The following FMN2 variants were observed in gnomAD, a reference collection of about 807,000 sequenced individuals.
FMN2 encodes formin-2.
A neutral mutation model predicts 142.3 loss-of-function variants in FMN2; 51 were observed. The observed-to-expected ratio is 0.36, with a 90% confidence interval of 0.29 to 0.45. The LOEUF is 0.45. FMN2 is among the 20% of genes least tolerant of loss of function. The pLI, the probability that FMN2 is intolerant of heterozygous loss-of-function variation, is 1.00. For missense variants in FMN2, 1,936 were observed against 2,122.8 expected (o/e 0.91, Z 1.73); for synonymous variants, 882 against 869.8 (o/e 1.01, Z -0.25).
In FMN2 at chr1:240,199,666, A is replaced by T. The variant is rs556010651; in HGVS notation, c.1987-7133A>T. ...AGGAATTTTGGCTGACTTACTGTAT[A>T]TAATTATTGAGCCAACGTAGATGGC... On this transcript the variant is annotated intron_variant, in intron 4 of 17. Transcript: ENST00000319653. 2.0e-5 allele frequency among the ~76,000 whole-genome samples: 3 copies of T among 152,352 alleles called. No homozygotes were observed. The East Asian group carries it at 5.8e-4, about 29-fold the overall frequency.
At chr1:240,211,343 A>C (rs1414527209) in intron 6 of FMN2, 108 bp downstream of exon 6, 1 of 1,056,788 alleles carries the variant, frequency 9.5e-7, no homozygotes, top group African/African-American at 1.6e-5. Flanking sequence ...ACCTCCATGG[A>C]TCTTAGGCAG....
chr1:240,275,464 C>T (rs1669171795), intron 7 of FMN2, among the ~76,000 whole-genome samples: 1 of 151,908 alleles, frequency 6.6e-6, no homozygotes, highest in African/African-American at 2.4e-5. Flanking sequence ...GTATATGTGC[C>T]ACATTTTTTT....
chr1:240,097,914 A>G (rs1302762442), intron 1 of FMN2, among the ~76,000 whole-genome samples: 2 of 152,142 alleles, frequency 1.3e-5, no homozygotes, highest in Non-Finnish European at 2.9e-5. Context: ...GTCTAAGGGC[A>G]TTAAGCTAGT....
At chr1:240,106,691 T>C (rs553032614) in intron 1 of FMN2, among the ~76,000 whole-genome samples, 1 of 151,932 alleles carries the variant, frequency 6.6e-6, no homozygotes, top group Admixed American at 6.6e-5. Flanking sequence ...GATTTTTTTT[T>C]CTTTTTTTTT....
intron 7 of FMN2, among the ~76,000 whole-genome samples, chr1:240,269,032 GT>G (rs949722457): frequency 6.6e-6 from 1 of 151,856 alleles, no homozygotes; most frequent in Non-Finnish European, 1.5e-5. Context: ...TTTTGTTTGT[GT>G]GCAGAAGCAT....
At chr1:240,357,915 C>A (rs1487419265) in intron 14 of FMN2, among the ~76,000 whole-genome samples, 1 of 151,296 alleles carries the variant, frequency 6.6e-6, no homozygotes, top group African/African-American at 2.4e-5. Flanking sequence ...CCAGGAAGAT[C>A]TTTTAACCTC....
At chr1:240,216,233 C>T (rs1436644941) in intron 6 of FMN2, among the ~76,000 whole-genome samples, 1 of 151,998 alleles carries the variant, frequency 6.6e-6, no homozygotes, top group East Asian at 1.9e-4. Flanking sequence ...TTTCATTTAT[C>T]CCATGGTAAA....
intron 8 of FMN2, 73 bp from the exon 9 acceptor site, chr1:240,329,003 A>G: frequency 7.6e-7 from 1 of 1,315,720 alleles, no homozygotes; most frequent in Non-Finnish European, 1.1e-6. Context: ...AAATTTATCA[A>G]GATAATTAGA....
At chr1:240,298,163 T>C (rs1214055839) in intron 8 of FMN2, among the ~76,000 whole-genome samples, 1 of 152,196 alleles carries the variant, frequency 6.6e-6, no homozygotes, top group East Asian at 1.9e-4. Flanking sequence ...TTCTCAAACT[T>C]TAAGGTTCAG....
intron 13 of FMN2, among the ~76,000 whole-genome samples, chr1:240,338,228 A>T (rs1449185047): frequency 6.6e-6 from 1 of 152,186 alleles, no homozygotes; most frequent in African/African-American, 2.4e-5. Flanking sequence ...AAATTCATCA[A>T]CTATACCTTC....
intron 1 of FMN2, among the ~76,000 whole-genome samples, chr1:240,117,453 C>T (rs950025382): frequency 1.3e-5 from 2 of 152,112 alleles, no homozygotes; most frequent in East Asian, 1.9e-4. Flanking sequence ...ATGGCTGCGC[C>T]GAAACAGGTC....
intron 15 of FMN2, among the ~76,000 whole-genome samples, chr1:240,397,879 A>G (rs1673838934): frequency 6.6e-6 from 1 of 151,582 alleles, no homozygotes; most frequent in Admixed American, 6.6e-5. Context: ...AATGGGCACT[A>G]TGACCTGGCC....
Position 240,177,968 on chromosome 1 carries a change from A to G in FMN2, c.1830A>G (p.Ser610=), listed in dbSNP as rs3765588. ...CTGCAGTTAGTCAACCCACACACTC[A>G]TTGGACTATTCAGAAGGGCAGTTTC... ...TWAAVSQPTH[S]LDYSEGQFPR... is the part of the protein sequence containing the mutation. Residue 610 remains serine (S), a synonymous_variant, in exon 3 of 18, where the codon TCA becomes TCG. Transcript: ENST00000319653. 329,542 of 1,609,032 alleles carry G rather than the reference A, an allele frequency of 0.2. 35,662 individuals carry two copies. Among genetic ancestry groups the G allele is most frequent in the South Asian group, 0.3 (27,424 of 90,006 alleles).
chr1:240,448,958 A>G (rs1675915311), intron 16 of FMN2, among the ~76,000 whole-genome samples: 1 of 152,118 alleles, frequency 6.6e-6, no homozygotes, highest in Admixed American at 6.5e-5. Context: ...CCTGGGCAAC[A>G]TGGCAAAACC....
intron 2 of FMN2, among the ~76,000 whole-genome samples, chr1:240,127,994 C>T (rs1211422066): frequency 1.3e-5 from 2 of 152,072 alleles, no homozygotes; most frequent in Non-Finnish European, 2.9e-5. Flanking sequence ...CAAGAGAACA[C>T]AAGGAAATCA....
chr1:240,348,402 T>C (rs1312978911), intron 13 of FMN2, among the ~76,000 whole-genome samples: 1 of 152,052 alleles, frequency 6.6e-6, no homozygotes, highest in Non-Finnish European at 1.5e-5. Flanking sequence ...TTTGTATTTT[T>C]AGTAGATACA....
chr1:240,468,269 C>CATATACATATGCACACACAT (rs1676693310), intron 16 of FMN2, among the ~76,000 whole-genome samples: 2 of 151,504 alleles, frequency 1.3e-5, no homozygotes, highest in Non-Finnish European at 2.9e-5. Context: ...TGCACACACA[C>CATATACATATGCACACACAT]ATATACATAT....
intron 13 of FMN2, among the ~76,000 whole-genome samples, chr1:240,347,673 T>C (rs1028346375): frequency 6.6e-6 from 1 of 152,142 alleles, no homozygotes; most frequent in Non-Finnish European, 1.5e-5. Flanking sequence ...CAGGTAGTTT[T>C]TCAGCTCTTT....
intron 2 of FMN2, chr1:240,143,880 G>C: frequency 4.4e-6 from 7 of 1,586,200 alleles, no homozygotes; most frequent in Non-Finnish European, 6.1e-6. Context: ...GGCAGCAGCA[G>C]TGTTAGGACA....
Sources: allele counts gnomAD v4.1 joint callset (sites outside exome capture counted in the v4.1 genomes callset), GRCh38; gene constraint gnomAD v4.1.1; transcripts MANE v1.5; gene names NCBI Gene and HGNC (gene_info 2026-07-23, HGNC 2026-07-21).